The following LAMC2 variants were observed in gnomAD, a reference collection of about 807,000 sequenced individuals.
LAMC2 encodes the protein laminin subunit gamma-2.
A neutral mutation model predicts 140.2 loss-of-function variants in LAMC2; 97 were observed. That is an observed-to-expected ratio of 0.69 (90% CI 0.59 to 0.82). LAMC2 has a LOEUF of 0.82. Ranked by LOEUF, LAMC2 falls within the 40% of genes least tolerant of loss-of-function variation. LAMC2 has a pLI of 0.00. For missense variants in LAMC2, 1,402 were observed against 1,476.1 expected (o/e 0.95, Z 0.82); for synonymous variants, 513 against 540.2 (o/e 0.95, Z 0.70).
Position 183,215,485 on chromosome 1 carries a change from C to T in LAMC2, c.301C>T (p.Arg101Trp), listed in dbSNP as rs563159537. The T allele has an allele frequency of 2.8e-5, 46 of 1,614,110 alleles. No individual in the cohort carries two copies. Among genetic ancestry groups the T allele is most frequent in the African/African-American group, 1.2e-4 (9 of 75,002 alleles). Reference protein sequence around the residue: ...SLSARCDNSGRCSCKPGVTGA... With the variant: ...SLSARCDNSGWCSCKPGVTGA... ...TAGTGCTCGATGTGACAACTCCGGA[C>T]GGTGCAGCTGTAAACCAGGTGTGAC... Residue 101 changes from arginine (R) to tryptophan (W), a missense_variant, in exon 3 of 23, where the codon CGG (arginine) becomes TGG (tryptophan). Physicochemically the swap from Arg to Trp is moderately radical, Grantham distance 101. Coordinates refer to ENST00000264144, the MANE Select transcript of LAMC2 (RefSeq NM_005562.3).
the LAMC2 span, among the ~76,000 whole-genome samples, chr1:183,258,223 A>G: frequency 6.6e-6 from 1 of 152,162 alleles, no homozygotes; most frequent in Non-Finnish European, 1.5e-5. Flanking sequence ...TCCTAACACA[A>G]TAGTCTAGGT....
intron 2 of LAMC2, among the ~76,000 whole-genome samples, chr1:183,211,033 C>G (rs1005932552): frequency 6.6e-6 from 1 of 152,192 alleles, no homozygotes; most frequent in Admixed American, 6.5e-5. Flanking sequence ...TGCAAAATAA[C>G]ATGTCTTACA....
At chr1:183,218,876 G>A (rs1228253652) in intron 4 of LAMC2, among the ~76,000 whole-genome samples, 4 of 152,170 alleles carry the variant, frequency 2.6e-5, no homozygotes, top group South Asian at 2.1e-4. Flanking sequence ...AACATGCTGC[G>A]AAAATTCTTG....
intron 17 of LAMC2, 101 bp downstream of exon 17, chr1:183,236,705 A>G (rs1659975013): frequency 2.9e-6 from 4 of 1,369,366 alleles, no homozygotes; most frequent in Non-Finnish European, 4.2e-6. Context: ...CTTTTTCTCC[A>G]TGTTGACCAT....
At chr1:183,237,931 T>A (rs1197322628) in intron 18 of LAMC2, among the ~76,000 whole-genome samples, 1 of 152,110 alleles carries the variant, frequency 6.6e-6, no homozygotes, top group Non-Finnish European at 1.5e-5. Context: ...GAAGTAACAG[T>A]TGCAGAGATC....
intron 16 of LAMC2, 114 bp from the exon 17 acceptor site, chr1:183,236,346 G>A (rs927473762): frequency 7.3e-6 from 7 of 957,866 alleles, no homozygotes; most frequent in South Asian, 4.6e-5. Flanking sequence ...CTGTGATCAC[G>A]CCACTGCACT....
chr1:183,196,025 T>G (rs896035463), intron 1 of LAMC2, among the ~76,000 whole-genome samples: 5 of 152,244 alleles, frequency 3.3e-5, no homozygotes, highest in Non-Finnish European at 7.3e-5. Flanking sequence ...AAGAGGATCA[T>G]AGCTTCTGAT....
At chr1:183,198,019 G>A (rs1205055833) in intron 1 of LAMC2, among the ~76,000 whole-genome samples, 1 of 151,864 alleles carries the variant, frequency 6.6e-6, no homozygotes, top group Non-Finnish European at 1.5e-5. Context: ...AAAGGAAGGA[G>A]GGAAAAAGAT....
intron 11 of LAMC2, among the ~76,000 whole-genome samples, chr1:183,230,075 T>C (rs1488313313): frequency 1.3e-5 from 2 of 152,242 alleles, no homozygotes; most frequent in African/African-American, 4.8e-5. Flanking sequence ...ATAATTCTAG[T>C]TATATATTCT....
rs150328950 is a variant in LAMC2, at chr1:183,224,048, C to A, written c.953+724C>A. Among the ~76,000 whole-genome samples, 559 of 152,200 alleles carry A rather than the reference C, an allele frequency of 3.7e-3. 2 individuals are homozygous for A. The highest frequency in any genetic ancestry group is 5.3e-3 in the Non-Finnish European group (358 of 68,006). On this transcript the variant is annotated intron_variant, in intron 7 of 22. Transcript: ENST00000264144. ...GTACAATGTATAACATGTCAAAAAGCAAGCATAATACAGTAGGATAATTGC... is the reference window on the plus strand; with the variant it reads ...GTACAATGTATAACATGTCAAAAAGAAAGCATAATACAGTAGGATAATTGC...
At chr1:183,207,852 AC>A in intron 1 of LAMC2, 28 bp from the exon 2 acceptor site, 1 of 988,318 alleles carries the variant, frequency 1.0e-6, no homozygotes, top group Non-Finnish European at 1.4e-6. Flanking sequence ...TTTTTTTTTG[AC>A]GATCTCTTTT....
In LAMC2 at chr1:183,239,579, CAT is replaced by C; in HGVS notation, c.3069+17_3069+18del. 1 of 1,607,218 alleles carries C rather than the reference CAT, an allele frequency of 6.2e-7. No individual in the cohort carries two copies. Among genetic ancestry groups the C allele is most frequent in the Non-Finnish European group, 8.5e-7 (1 of 1,175,010 alleles). ...GATTGAACAGGTAAAGAGAAATCGACATGTGTGTTGGTGCCAGTAGCACCAAA... is the reference window on the plus strand; with the variant it reads ...GATTGAACAGGTAAAGAGAAATCGACGTGTGTTGGTGCCAGTAGCACCAAA... On this transcript the variant is annotated intron_variant, in intron 20 of 22. Transcript: ENST00000264144.
chr1:183,186,552 C>T lies in LAMC2; in HGVS notation c.79+121C>T, dbSNP rs1325996187. 2.9e-6 allele frequency: 3 copies of T among 1,024,526 alleles called. No homozygotes were observed. In the Admixed American group the frequency reaches 6.4e-5, roughly 22 times the overall value. 63.5% of individuals were successfully genotyped at this position (1,024,526 alleles called of 1,614,324 possible). ...CACTTTGTCCAGAAACTTGTTAGAGCTCCCTTCTCCTCCCCTATCTGGGGC... is the reference window on the plus strand; with the variant it reads ...CACTTTGTCCAGAAACTTGTTAGAGTTCCCTTCTCCTCCCCTATCTGGGGC... On this transcript the variant is annotated intron_variant, in intron 1 of 22. Coordinates refer to ENST00000264144, the MANE Select transcript of LAMC2 (RefSeq NM_005562.3).
At chr1:183,226,165 A>G (rs1218426936) in intron 8 of LAMC2, among the ~76,000 whole-genome samples, 1 of 141,102 alleles carries the variant, frequency 7.1e-6, no homozygotes, top group African/African-American at 2.7e-5. Context: ...TGAATTTCAC[A>G]TGTTGGGTCC....
At chr1:183,200,714 C>G (rs975111674) in intron 1 of LAMC2, among the ~76,000 whole-genome samples, 1 of 151,936 alleles carries the variant, frequency 6.6e-6, no homozygotes, top group Non-Finnish European at 1.5e-5. Context: ...GAAGTGAGCC[C>G]GAGGGATCCT....
intron 14 of LAMC2, 91 bp from the exon 15 acceptor site, chr1:183,234,276 G>GT: frequency 1.1e-6 from 1 of 902,832 alleles, no homozygotes; most frequent in Non-Finnish European, 1.8e-6. Flanking sequence ...ATGACAAGTG[G>GT]TTCTGACAGG....
In LAMC2 at chr1:183,244,013, C is replaced by G. The variant is rs1025006720; in HGVS notation, c.*613C>G. The G allele has an allele frequency of 3.8e-5, 6 of 155,850 alleles. No individual in the cohort carries two copies. The highest frequency in any genetic ancestry group is 1.4e-4 in the African/African-American group (6 of 41,472). 9.7% of individuals were successfully genotyped at this position (155,850 alleles called of 1,614,324 possible). On this transcript the variant is annotated 3_prime_UTR_variant, in exon 23 of 23. Transcript: ENST00000264144. ...TGAGGACCTGTAAGGCAGGCCCATT[C>G]AGAGCTATGGTGCTTGCTGGTGCCT...
chr1:183,224,659 A>G (rs2102226689), intron 7 of LAMC2, among the ~76,000 whole-genome samples: 2 of 137,768 alleles, frequency 1.5e-5, no homozygotes, highest in South Asian at 4.7e-4. Flanking sequence ...ATCCGAGTAT[A>G]CGTGTTCTAA....
intron 14 of LAMC2, 65 bp from the exon 15 acceptor site, chr1:183,234,302 T>C: frequency 7.9e-7 from 1 of 1,267,946 alleles, no homozygotes; most frequent in South Asian, 1.2e-5. Flanking sequence ...TGCACCTGCT[T>C]AAGTTCCATG....
Sources: allele counts gnomAD v4.1 joint callset (sites outside exome capture counted in the v4.1 genomes callset), GRCh38; gene constraint gnomAD v4.1.1; transcripts MANE v1.5; gene names NCBI Gene and HGNC (gene_info 2026-07-23, HGNC 2026-07-21).